Variants in ELMO1 observed in about 807,000 individuals in gnomAD.
The protein encoded by ELMO1 is engulfment and cell motility 1.
A neutral mutation model predicts 98.9 loss-of-function variants in ELMO1; 26 were observed. The observed-to-expected ratio is 0.26, with a 90% CI of 0.19 to 0.36. ELMO1 has a LOEUF of 0.36. ELMO1 is among the 10% of genes least tolerant of loss of function. The pLI is 1.00. For missense variants in ELMO1, 627 were observed against 935.2 expected, an observed-to-expected ratio of 0.67 and a Z score of 4.30; for synonymous variants, 346 against 346.0, an observed-to-expected ratio of 1.00 and a Z score of 0.00.
At chr7:37,325,344 G>C (rs1799743764) in intron 2 of ELMO1, among the ~76,000 whole-genome samples, 2 of 152,198 alleles carry the variant, frequency 1.3e-5, no homozygotes, top group African/African-American at 2.4e-5. Flanking sequence ...GCCTGGAAAG[G>C]CATGCAGTTA....
At chr7:36,938,203 T>A (rs1456831048) in intron 16 of ELMO1, among the ~76,000 whole-genome samples, 1 of 152,224 alleles carries the variant, frequency 6.6e-6, no homozygotes, top group Non-Finnish European at 1.5e-5. Context: ...ATGTGTTTCT[T>A]CCAGTTATAG....
chr7:37,196,392 C>T (rs1478911714), intron 13 of ELMO1, among the ~76,000 whole-genome samples: 1 of 152,170 alleles, frequency 6.6e-6, no homozygotes, highest in Non-Finnish European at 1.5e-5. Context: ...TTTCTACCCC[C>T]AGATAGAAAC....
At chr7:37,091,901 G>A (rs887615359) in intron 15 of ELMO1, among the ~76,000 whole-genome samples, 5 of 152,090 alleles carry the variant, frequency 3.3e-5, no homozygotes, top group Admixed American at 3.3e-4. Context: ...AGTACCATGA[G>A]AACAGTACAG....
intron 16 of ELMO1, among the ~76,000 whole-genome samples, chr7:37,004,329 A>G (rs1792897390): frequency 6.6e-6 from 1 of 152,238 alleles, no homozygotes; most frequent in African/African-American, 2.4e-5. Context: ...ACTGGTTTCT[A>G]CACAGCCCCA....
intron 17 of ELMO1, among the ~76,000 whole-genome samples, chr7:36,892,628 G>A (rs1023426685): frequency 1.3e-5 from 2 of 152,174 alleles, no homozygotes; most frequent in Non-Finnish European, 2.9e-5. Context: ...TTGGTTTATC[G>A]TGTGAGCCAT....
At chr7:37,257,075 G>C (rs1048734275) in intron 6 of ELMO1, among the ~76,000 whole-genome samples, 1 of 152,198 alleles carries the variant, frequency 6.6e-6, no homozygotes, top group Non-Finnish European at 1.5e-5. Context: ...CCACATGGCA[G>C]GGGCAGCCTC....
At chr7:37,270,359 A>G (rs1796489311) in intron 5 of ELMO1, 1 of 152,222 alleles carries the variant, frequency 6.6e-6, no homozygotes, top group Admixed American at 6.5e-5. Context: ...TTATTGGGCA[A>G]AATGTTTAGG....
chr7:37,429,662 C>A (rs1294905271), intron 1 of ELMO1: 1 of 152,338 alleles, frequency 6.6e-6, no homozygotes. Flanking sequence ...AGTGAATGAA[C>A]TCATGCATTT....
chr7:37,075,473 A>G (rs1021425547), intron 15 of ELMO1, among the ~76,000 whole-genome samples: 5 of 151,986 alleles, frequency 3.3e-5, no homozygotes, highest in African/African-American at 1.2e-4. Flanking sequence ...AAATATTTTA[A>G]ACGGAACATT....
At position 36,870,895 on chromosome 7, in the gene ELMO1, G is replaced by A. The variant is rs982554337; in HGVS notation, c.1823-420C>T. Among the ~76,000 whole-genome samples, 1 of 152,220 alleles carries A rather than the reference G, an allele frequency of 6.6e-6. No homozygotes were observed. Among genetic ancestry groups the A allele is most frequent in the Admixed American group, 6.5e-5 (1 of 15,290 alleles). ...TGCCAAGTGCTTTACATATATCAGT[G>A]TCTCTTGTTACAGCATTTGCATCTA... On this transcript the variant is annotated intron_variant, in intron 19 of 21. Coordinates refer to ENST00000310758, the MANE Select transcript of ELMO1 (RefSeq NM_014800.11). This position sits in a 1 kb window ranked among gnomAD's most constrained non-coding sequence, Gnocchi z 4.4.
At chr7:36,907,703 C>A (rs1427041504) in intron 16 of ELMO1, among the ~76,000 whole-genome samples, 2 of 152,182 alleles carry the variant, frequency 1.3e-5, no homozygotes, top group African/African-American at 4.8e-5. Context: ...AGTCCCTTTC[C>A]TTACTGATGA....
At chr7:37,183,827 C>T (rs1426864274) in intron 13 of ELMO1, among the ~76,000 whole-genome samples, 1 of 152,050 alleles carries the variant, frequency 6.6e-6, no homozygotes, top group Non-Finnish European at 1.5e-5. Context: ...AAAATAAAGG[C>T]AAAATACCTT....
rs1353378921 is a variant in ELMO1, at chr7:37,216,611, C to A, written c.831+34G>T. 8 of 1,612,502 alleles carry A rather than the reference C, an allele frequency of 5.0e-6. No homozygotes were observed. In the African/African-American group the frequency reaches 9.3e-5, roughly 19 times the overall value. On this transcript the variant is annotated intron_variant, in intron 11 of 21. Transcript: ENST00000310758. ...TAACAAATGCACCAGGCCACTCCTC[C>A]CCCACAAAGAGGTCACAGCGCATAG...
intron 19 of ELMO1, among the ~76,000 whole-genome samples, chr7:36,875,551 G>A (rs959707618): frequency 6.6e-6 from 1 of 152,172 alleles, no homozygotes; most frequent in Non-Finnish European, 1.5e-5. Context: ...TAAGAGTTTT[G>A]GAGGCATGGT....
intron 16 of ELMO1, among the ~76,000 whole-genome samples, chr7:36,914,908 CAG>C (rs201951947): frequency 6.6e-6 from 1 of 151,684 alleles, no homozygotes. Flanking sequence ...TTCAGAAATT[CAG>C]AAATTCAAAT....
chr7:37,377,524 C>G (rs149485094), intron 1 of ELMO1, among the ~76,000 whole-genome samples: 3 of 152,114 alleles, frequency 2.0e-5, no homozygotes, highest in Non-Finnish European at 4.4e-5. Context: ...CCTCTCAACG[C>G]TCTCTGGTAG....
At chr7:36,924,375 G>A (rs1221852071) in intron 16 of ELMO1, among the ~76,000 whole-genome samples, 1 of 152,106 alleles carries the variant, frequency 6.6e-6, no homozygotes, top group African/African-American at 2.4e-5. Context: ...TTCCCAGCGA[G>A]GGCCCTCCTG....
At chr7:37,281,504 C>T (rs1021349763) in intron 4 of ELMO1, among the ~76,000 whole-genome samples, 3 of 152,188 alleles carry the variant, frequency 2.0e-5, no homozygotes, top group Non-Finnish European at 4.4e-5. Context: ...GCCACATGCC[C>T]TCTCTGGAAA....
intron 8 of ELMO1, among the ~76,000 whole-genome samples, chr7:37,227,510 T>C (rs1265121401): frequency 6.6e-6 from 1 of 152,072 alleles, no homozygotes; most frequent in Non-Finnish European, 1.5e-5. Flanking sequence ...CTCAGCCTCT[T>C]AAGTAGCTGG....
Sources: gnomAD v4.1 joint callset for allele counts (sites outside exome capture counted in the v4.1 genomes callset) on GRCh38, gnomAD v4.1.1 for gene constraint, Gnocchi (gnomAD v3.1) non-coding constraint, MANE v1.5 for transcripts, NCBI Gene and HGNC (gene_info 2026-07-23, HGNC 2026-07-21) for gene names.